Variants in ZNF441 observed in about 807,000 individuals in gnomAD.
ZNF441 encodes the protein zinc finger protein 441.
ZNF441 carries 25 observed loss-of-function variants against 64.5 expected under a neutral mutation model. The observed-to-expected ratio is 0.39, with a 90% confidence interval of 0.28 to 0.54. ZNF441 has a LOEUF of 0.54. ZNF441 is among the 20% of genes least tolerant of loss of function. The probability of loss-of-function intolerance (pLI) is 0.70; values close to 1 mark genes in which losing one functional copy is unlikely to be tolerated. For synonymous variants in ZNF441, 262 were observed against 268.0 expected, an observed-to-expected ratio of 0.98 and a Z score of 0.22; for missense variants, 715 against 843.3, an observed-to-expected ratio of 0.85 and a Z score of 1.88.
At chr19:11,777,009 C>T (rs145025827) in intron 1 of ZNF441, among the ~76,000 whole-genome samples, 2,916 of 152,164 alleles carry the variant, frequency 0.019, 36 homozygotes, top group Non-Finnish European at 0.027. Context: ...AGTGTTTCTC[C>T]CTGTTGGTCA....
chr19:11,780,039 C>T lies in ZNF441; in HGVS notation c.215C>T (p.Ala72Val). 1 of 1,611,158 alleles carries T rather than the reference C, an allele frequency of 6.2e-7. No homozygotes were observed. The highest frequency in any genetic ancestry group is 2.2e-5 in the East Asian group (1 of 44,814). Residue 72 changes from alanine to valine, a missense_variant, in exon 4 of 4, where the codon GCC becomes GTC. By Grantham distance (64) the Ala-to-Val change is moderately conservative. This residue lies in a region of ZNF441 where 399 missense variants were observed against 413.9 expected (regional missense o/e 0.96). Coordinates refer to ENST00000357901, the MANE Select transcript of ZNF441 (RefSeq NM_152355.3). ...TACAGATGTCATATGGTAGAGAGAGCCTGTGAAATTAAAGATAATAGTCAA... is the reference window on the plus strand; with the variant it reads ...TACAGATGTCATATGGTAGAGAGAGTCTGTGAAATTAAAGATAATAGTCAA... Reference protein sequence around the residue: ...RNLRCHMVERACEIKDNSQCG... With the variant: ...RNLRCHMVERVCEIKDNSQCG...
rs1975281294 is a variant in ZNF441, at chr19:11,767,634, T to TC, written c.3+439dup. On this transcript the variant is annotated intron_variant, in intron 1 of 3. Coordinates refer to ENST00000357901, the MANE Select transcript of ZNF441 (RefSeq NM_152355.3). This position sits in a 1 kb window ranked among gnomAD's most constrained non-coding sequence, Gnocchi z 5.1. ...GGACAGGGGCGGCTGGGGCGTGGGG[T>TC]CGCTGGATGGTGGGGAAGTGAGGGG... Among the ~76,000 whole-genome samples, 1 of 151,548 alleles carries TC rather than the reference T, an allele frequency of 6.6e-6. No homozygotes were observed. The highest frequency in any genetic ancestry group is 1.9e-4 in the East Asian group (1 of 5,150).
rs1426341573 is a variant in ZNF441, at chr19:11,782,968, AAGT to A, written c.*1065_*1067del. The A allele has an allele frequency of 6.6e-6, 1 of 152,218 alleles. No homozygotes were observed. Among genetic ancestry groups the A allele is most frequent in the Non-Finnish European group, 1.5e-5 (1 of 68,028 alleles). 9.4% of individuals were successfully genotyped at this position (152,218 alleles called of 1,614,324 possible). On this transcript the variant is annotated 3_prime_UTR_variant, in exon 4 of 4. Transcript: ENST00000357901. Reference sequence around the variant, plus strand: ...ACAAATGAGACTATCTTACACTAAAAAGTAGCTGTGCAAAGTAAAGGGAACAAC... The same window carrying A: ...ACAAATGAGACTATCTTACACTAAAAAGCTGTGCAAAGTAAAGGGAACAAC...
intron 1 of ZNF441, among the ~76,000 whole-genome samples, chr19:11,771,172 A>G (rs1975310613): frequency 6.8e-6 from 1 of 147,374 alleles, no homozygotes; most frequent in South Asian, 2.1e-4. Context: ...GCCCATAGGC[A>G]AGCTAACTCA....
intron 1 of ZNF441, among the ~76,000 whole-genome samples, chr19:11,775,486 C>T (rs540627339): frequency 2.0e-5 from 3 of 152,128 alleles, no homozygotes; most frequent in East Asian, 1.9e-4. Context: ...CCCACCACCA[C>T]GCCCGGCTAA....
chr19:11,775,594 G>C (rs988917418), intron 1 of ZNF441, among the ~76,000 whole-genome samples: 2 of 146,286 alleles, frequency 1.4e-5, no homozygotes, highest in East Asian at 4.0e-4. Flanking sequence ...CTCCCAAAGT[G>C]CTGGGATTAC....
Position 11,780,558 on chromosome 19 carries a change from C to T in ZNF441, c.734C>T (p.Thr245Ile). The T allele has an allele frequency of 1.2e-6, 2 of 1,614,126 alleles. No individual in the cohort carries two copies. The highest frequency in any genetic ancestry group is 1.1e-5 in the South Asian group (1 of 91,086). ...AGTTCCACTCTAAGACATGAAAGAA[C>T]ACACAGTGGAGAGAAACCCTATCAA... ...AYSSTLRHER[T>I]HSGEKPYQCK... Residue 245 changes from threonine to isoleucine, a missense_variant, in exon 4 of 4, where the codon ACA becomes ATA. By Grantham distance (89) the Thr-to-Ile change is moderately conservative. Coordinates refer to ENST00000357901, the MANE Select transcript of ZNF441 (RefSeq NM_152355.3).
At chr19:11,775,748 C>T (rs539629215) in intron 1 of ZNF441, among the ~76,000 whole-genome samples, 1 of 151,774 alleles carries the variant, frequency 6.6e-6, no homozygotes, top group African/African-American at 2.4e-5. Flanking sequence ...GTCCCTAAGC[C>T]TCTCGAGTAG....
chr19:11,767,049 C>G lies in ZNF441; in HGVS notation c.-145C>G. The G allele has an allele frequency of 8.0e-7, 1 of 1,247,074 alleles. No individual in the cohort carries two copies. The highest frequency in any genetic ancestry group is 1.4e-5 in the South Asian group (1 of 71,736). 77.3% of individuals were successfully genotyped at this position (1,247,074 alleles called of 1,614,324 possible). A position where few individuals can be genotyped will look rare whatever the true frequency, so the allele number is the denominator to read the frequency against. The stretch of plus-strand genomic sequence containing the variant: ...GAGGGTGCAAGGTTCAAAGAGCCCG[C>G]CGAGTCTTCTCCACGCCCCTGCACT... On this transcript the variant is annotated 5_prime_UTR_variant, in exon 1 of 4. Coordinates refer to ENST00000357901, the MANE Select transcript of ZNF441 (RefSeq NM_152355.3). The surrounding 1 kb of genome is among the most constrained non-coding windows in gnomAD (Gnocchi z 5.1).
At position 11,781,885 on chromosome 19, in the gene ZNF441, T is replaced by C. The variant is rs765447980; in HGVS notation, c.2061T>C (p.His687=). The C allele has an allele frequency of 3.1e-6, 5 of 1,594,466 alleles. No homozygotes were observed. The highest frequency in any genetic ancestry group is 4.3e-6 in the Non-Finnish European group (5 of 1,168,450). Residue 687 remains histidine (H), a synonymous_variant, in exon 4 of 4, where the codon CAT becomes CAC. Coordinates refer to ENST00000357901, the MANE Select transcript of ZNF441 (RefSeq NM_152355.3). ...GEAFHCISSF[H]KHEMTH is the part of the protein sequence containing the mutation. ...CATTTCATTGTATCAGTTCCTTTCATAAACATGAAATGACTCACTAGAGAA... is the reference window on the plus strand; with the variant it reads ...CATTTCATTGTATCAGTTCCTTTCACAAACATGAAATGACTCACTAGAGAA...
At chr19:11,777,410 GTTACT>G (rs1975363780) in intron 1 of ZNF441, among the ~76,000 whole-genome samples, 196 bp from the exon 2 acceptor site, 1 of 152,180 alleles carries the variant, frequency 6.6e-6, no homozygotes, top group South Asian at 2.1e-4. Flanking sequence ...CTATTCAACT[GTTACT>G]TTACAAAACA....
chr19:11,767,541 G>A lies in ZNF441; in HGVS notation c.3+345G>A, dbSNP rs936096083. 1.3e-5 allele frequency among the ~76,000 whole-genome samples: 2 copies of A among 152,208 alleles called. No individual in the cohort carries two copies. The highest frequency in any genetic ancestry group is 2.9e-5 in the Non-Finnish European group (2 of 68,022). Reference sequence around the variant, plus strand: ...GGGCTGCAGCAGAAACAGTTTAATAGGGGGAGAGGGGAGGACACCCCAGAT... The same window carrying A: ...GGGCTGCAGCAGAAACAGTTTAATAAGGGGAGAGGGGAGGACACCCCAGAT... On this transcript the variant is annotated intron_variant, in intron 1 of 3. Transcript: ENST00000357901. The surrounding 1 kb of genome is among the most constrained non-coding windows in gnomAD (Gnocchi z 5.1).
At chr19:11,775,498 T>G (rs1309841253) in intron 1 of ZNF441, among the ~76,000 whole-genome samples, 2 of 151,286 alleles carry the variant, frequency 1.3e-5, no homozygotes, top group Non-Finnish European at 2.9e-5. Context: ...CCCGGCTAAT[T>G]TTTTGTATTT....
At chr19:11,772,784 T>C (rs897203911) in intron 1 of ZNF441, among the ~76,000 whole-genome samples, 1 of 151,922 alleles carries the variant, frequency 6.6e-6, no homozygotes, top group Non-Finnish European at 1.5e-5. Flanking sequence ...TTCCAGCCAC[T>C]CAGGAAGCTG....
chr19:11,768,042 G>A (rs1975284872), intron 1 of ZNF441, among the ~76,000 whole-genome samples: 1 of 152,218 alleles, frequency 6.6e-6, no homozygotes, highest in South Asian at 2.1e-4. Flanking sequence ...TGTGGTCTGT[G>A]TGGTCCCCTG....
At chr19:11,775,697 G>A (rs185252805) in intron 1 of ZNF441, among the ~76,000 whole-genome samples, 8 of 138,818 alleles carry the variant, frequency 5.8e-5, no homozygotes, top group Non-Finnish European at 1.1e-4. Context: ...GCTCAATCTC[G>A]GCTCACTGCA....
chr19:11,767,229 G>A lies in ZNF441; in HGVS notation c.3+33G>A. On this transcript the variant is annotated intron_variant, in intron 1 of 3. Transcript: ENST00000357901. The surrounding 1 kb of genome is among the most constrained non-coding windows in gnomAD (Gnocchi z 5.1). ...TGTGAGGTCTGGTGTCCCGACGCGT[G>A]AGAGGAGAGACTGGTTGGAACCGGC... 5.1e-6 allele frequency: 8 copies of A among 1,556,148 alleles called. No individual in the cohort carries two copies. Among genetic ancestry groups the A allele is most frequent in the Non-Finnish European group, 7.0e-6 (8 of 1,149,646 alleles).
At position 11,770,588 on chromosome 19, in the gene ZNF441, C is replaced by T. The variant is rs142082849; in HGVS notation, c.3+3392C>T. Among the ~76,000 whole-genome samples, 462 of 152,128 alleles carry T rather than the reference C, an allele frequency of 3.0e-3. 4 individuals are homozygous for T. The highest frequency in any genetic ancestry group is 0.011 in the African/African-American group (452 of 41,506). On this transcript the variant is annotated intron_variant, in intron 1 of 3. Transcript: ENST00000357901. ...TTGGGACTTTTTGTTTGTTTGTTTG[C>T]TTGAAGTGGAGTTTTGCTTTGTTGT...
At position 11,780,507 on chromosome 19, in the gene ZNF441, A is replaced by G. The variant is rs150801058; in HGVS notation, c.683A>G (p.Gln228Arg). Reference protein sequence around the residue: ...HTEEKPYEYEQCSTAFPAYSS... With the variant: ...HTEEKPYEYERCSTAFPAYSS... ...GAAGAGAAACCATATGAATATGAGC[A>G]GTGTTCTACAGCGTTTCCTGCTTAT... is the stretch of plus-strand genomic sequence containing the variant. Residue 228 changes from glutamine (Q) to arginine (R), a missense_variant, in exon 4 of 4, where the codon CAG becomes CGG. By Grantham distance (43) the Gln-to-Arg change is conservative. This residue lies in a region of ZNF441 where 399 missense variants were observed against 413.9 expected (regional missense o/e 0.96). Coordinates refer to ENST00000357901, the MANE Select transcript of ZNF441 (RefSeq NM_152355.3). 3.7e-6 allele frequency: 6 copies of G among 1,614,182 alleles called. No individual in the cohort carries two copies. The African/African-American group carries it at 5.3e-5, about 14-fold the overall frequency.
Sources: allele counts gnomAD v4.1 joint callset (sites outside exome capture counted in the v4.1 genomes callset), GRCh38; gene constraint gnomAD v4.1.1; regional missense constraint gnomAD v4.1.1; non-coding constraint Gnocchi (gnomAD v3.1); transcripts MANE v1.5; gene names NCBI Gene and HGNC (gene_info 2026-07-23, HGNC 2026-07-21).